The following ADARB2 variants were observed in gnomAD, a reference collection of about 807,000 sequenced individuals.
ADARB2 encodes inactive double-stranded RNA-specific editase B2.
In ADARB2, 25 loss-of-function variants were observed where a neutral mutation model predicts 62.2. That is an observed-to-expected ratio of 0.40 (90% CI 0.29 to 0.56). The LOEUF (loss-of-function observed/expected upper bound fraction) is 0.56, where lower values mean the gene tolerates loss of function less well. ADARB2 is among the 20% of genes least tolerant of loss of function. The pLI, the probability that ADARB2 is intolerant of heterozygous loss-of-function variation, is 0.43. For missense variants in ADARB2, 1,071 were observed against 1,077.4 expected (o/e 0.99, Z 0.08); for synonymous variants, 572 against 500.8 (o/e 1.14, Z -1.90).
At chr10:1,484,421 C>T (rs1056817183) in intron 1 of ADARB2, among the ~76,000 whole-genome samples, 5 of 152,254 alleles carry the variant, frequency 3.3e-5, no homozygotes, top group Non-Finnish European at 7.3e-5. Flanking sequence ...CTGCCGCCCA[C>T]CGCTCAAGCT....
intron 1 of ADARB2, among the ~76,000 whole-genome samples, chr10:1,460,904 T>A (rs1450322633): frequency 6.6e-6 from 1 of 151,504 alleles, no homozygotes; most frequent in African/African-American, 2.4e-5. Flanking sequence ...GTTACGAACC[T>A]GCCTGTGACC....
intron 1 of ADARB2, among the ~76,000 whole-genome samples, chr10:1,667,709 G>A (rs1564362718): frequency 1.3e-5 from 2 of 152,164 alleles, no homozygotes; most frequent in African/African-American, 4.8e-5. Flanking sequence ...AAACAAGCAA[G>A]AAATGCTGCT....
At chr10:1,247,253 TATACA>T (rs1830994574) in intron 4 of ADARB2, among the ~76,000 whole-genome samples, 2 of 152,256 alleles carry the variant, frequency 1.3e-5, no homozygotes, top group African/African-American at 4.8e-5. Context: ...GTTTTCTAGA[TATACA>T]ATCATGTCAT....
At chr10:1,190,941 C>G (rs1442297270) in intron 8 of ADARB2, among the ~76,000 whole-genome samples, 1 of 152,250 alleles carries the variant, frequency 6.6e-6, no homozygotes, top group South Asian at 2.1e-4. Flanking sequence ...ACGGAGTGAG[C>G]AGCGCTCTTC....
chr10:1,589,548 G>C (rs2132006666), intron 1 of ADARB2, among the ~76,000 whole-genome samples: 1 of 152,350 alleles, frequency 6.6e-6, no homozygotes, highest in East Asian at 1.9e-4. Flanking sequence ...TGGGCATCCA[G>C]CTCCATCAGA....
intron 1 of ADARB2, among the ~76,000 whole-genome samples, chr10:1,509,275 C>G (rs1041517652): frequency 6.6e-6 from 1 of 152,122 alleles, no homozygotes; most frequent in African/African-American, 2.4e-5. Flanking sequence ...ACCTCACTGT[C>G]GGAGATGATA....
chr10:1,382,807 T>A (rs1226472295), intron 1 of ADARB2, among the ~76,000 whole-genome samples: 1 of 151,370 alleles, frequency 6.6e-6, no homozygotes, highest in African/African-American at 2.4e-5. Context: ...ACCCTCTGGG[T>A]AATGCCTAGA....
intron 1 of ADARB2, among the ~76,000 whole-genome samples, chr10:1,510,404 A>G (rs1008149864): frequency 4.0e-5 from 6 of 151,796 alleles, no homozygotes; most frequent in African/African-American, 1.5e-4. Context: ...CTTGTCTCGA[A>G]CTCCTGAGCT....
intron 1 of ADARB2, among the ~76,000 whole-genome samples, chr10:1,679,618 G>A (rs1398730522): frequency 6.6e-6 from 1 of 152,106 alleles, no homozygotes; most frequent in African/African-American, 2.4e-5. Flanking sequence ...GCCTCATTAT[G>A]GCCATGGTGG....
intron 1 of ADARB2, among the ~76,000 whole-genome samples, chr10:1,508,097 G>T (rs775524624): frequency 6.6e-6 from 1 of 152,190 alleles, no homozygotes; most frequent in Non-Finnish European, 1.5e-5. Context: ...AAGGTCAAGT[G>T]AGGTCGCGTG....
chr10:1,705,640 A>C (rs914998021), intron 1 of ADARB2, among the ~76,000 whole-genome samples: 1 of 152,242 alleles, frequency 6.6e-6, no homozygotes, highest in African/African-American at 2.4e-5. Context: ...GGGTGCGGCA[A>C]TTAAGGTGAA....
At chr10:1,602,152 T>G (rs1568149) in intron 1 of ADARB2, among the ~76,000 whole-genome samples, 137,070 of 152,172 alleles carry the variant, frequency 0.9, 61,892 homozygotes, top group South Asian at 0.94. Context: ...CTGCAGTGGG[T>G]TCTGCTGACT....
chr10:1,494,639 A>G (rs1036026164), intron 1 of ADARB2, among the ~76,000 whole-genome samples: 1 of 152,182 alleles, frequency 6.6e-6, no homozygotes, highest in African/African-American at 2.4e-5. Context: ...AGTATGGCAA[A>G]CTTACTATAT....
intron 4 of ADARB2, among the ~76,000 whole-genome samples, chr10:1,246,797 C>T (rs559249739): frequency 6.6e-6 from 1 of 151,120 alleles, no homozygotes; most frequent in East Asian, 1.9e-4. Context: ...GTTCTTTTGG[C>T]TTAGGATTGA....
At chr10:1,479,285 G>C (rs767590863) in intron 1 of ADARB2, among the ~76,000 whole-genome samples, 4 of 152,220 alleles carry the variant, frequency 2.6e-5, no homozygotes, top group Non-Finnish European at 4.4e-5. Context: ...CAGCCACGTG[G>C]AGCAGGAAGA....
At chr10:1,597,844 C>G (rs1301850960) in intron 1 of ADARB2, among the ~76,000 whole-genome samples, 1 of 152,160 alleles carries the variant, frequency 6.6e-6, no homozygotes, top group East Asian at 1.9e-4. Context: ...CAGCACTACT[C>G]ATAATAGCAG....
At chr10:1,727,518 G>T (rs991637420) in intron 1 of ADARB2, among the ~76,000 whole-genome samples, 1 of 152,160 alleles carries the variant, frequency 6.6e-6, no homozygotes, top group Non-Finnish European at 1.5e-5. Flanking sequence ...AGTTTTCTCA[G>T]TGGGTTTTAA....
chr10:1,554,945 T>G (rs1832679347), intron 1 of ADARB2, among the ~76,000 whole-genome samples: 1 of 152,208 alleles, frequency 6.6e-6, no homozygotes. Flanking sequence ...ATCCAATGTT[T>G]ACCTCCCACT....
intron 3 of ADARB2, among the ~76,000 whole-genome samples, chr10:1,294,077 G>C (rs1831502283): frequency 6.6e-6 from 1 of 152,186 alleles, no homozygotes; most frequent in African/African-American, 2.4e-5. Context: ...ATTCCATCAG[G>C]TGGGCTGCAG....
Sources: allele counts gnomAD v4.1 joint callset (sites outside exome capture counted in the v4.1 genomes callset), GRCh38; gene constraint gnomAD v4.1.1; transcripts MANE v1.5; gene names NCBI Gene and HGNC (gene_info 2026-07-23, HGNC 2026-07-21).